Variants in RLBP1 observed in about 807,000 individuals in gnomAD.
The protein encoded by RLBP1 is retinaldehyde binding protein 1.
In RLBP1, 26 loss-of-function variants were observed where a neutral mutation model predicts 36.2. The observed-to-expected ratio is 0.72, with a 90% CI of 0.53 to 1.00. The LOEUF is 1.00. RLBP1 is among the 50% of genes least tolerant of loss of function. RLBP1 has a pLI of 0.00. For synonymous variants in RLBP1, 155 were observed against 156.2 expected (o/e 0.99, Z 0.06); for missense variants, 410 against 402.4 (o/e 1.02, Z -0.16).
chr15:89,212,431 A>G (rs1456599099), intron 6 of RLBP1, among the ~76,000 whole-genome samples: 1 of 151,838 alleles, frequency 6.6e-6, no homozygotes, highest in Non-Finnish European at 1.5e-5. Flanking sequence ...AAAATACAAA[A>G]AAATCAGCTG....
chr15:89,218,919 G>T lies in RLBP1; in HGVS notation c.12+45C>A, dbSNP rs1430850838. Reference sequence around the variant, plus strand: ...GGAGGGAGAGGGAAGAGAGAGAAGAGAGGGAAGGTGGGTGGAGGAGAGCCC... The same window carrying T: ...GGAGGGAGAGGGAAGAGAGAGAAGATAGGGAAGGTGGGTGGAGGAGAGCCC... On this transcript the variant is annotated intron_variant, in intron 3 of 8. Coordinates refer to ENST00000268125, the MANE Select transcript of RLBP1 (RefSeq NM_000326.5). This position sits in a 1 kb window ranked among gnomAD's most constrained non-coding sequence, Gnocchi z 4.6. The T allele has an allele frequency of 1.9e-6, 3 of 1,605,196 alleles. No individual in the cohort carries two copies. The highest frequency in any genetic ancestry group is 2.2e-5 in the South Asian group (2 of 90,432).
At chr15:89,216,917 A>T (rs1244370665) in intron 5 of RLBP1, among the ~76,000 whole-genome samples, 1 of 152,196 alleles carries the variant, frequency 6.6e-6, no homozygotes, top group Non-Finnish European at 1.5e-5. Flanking sequence ...GACCTCCAGA[A>T]ATCTGCTCCT....
At position 89,215,155 on chromosome 15, in the gene RLBP1, A is replaced by G. The variant is rs1430810376; in HGVS notation, c.430T>C (p.Tyr144His). The G allele has an allele frequency of 6.2e-7, 1 of 1,614,124 alleles. No individual in the cohort carries two copies. Among genetic ancestry groups the G allele is most frequent in the Admixed American group, 1.7e-5 (1 of 60,008 alleles). Residue 144 changes from tyrosine to histidine, a missense_variant, in exon 6 of 9, where the codon TAC becomes CAC. Tyr to His is a moderately conservative substitution (Grantham distance 83). Coordinates refer to ENST00000268125, the MANE Select transcript of RLBP1 (RefSeq NM_000326.5). ...EAVRCTIEAG[Y>H]PGVLSSRDKY... ...TCCCGACTAGAGAGGACACCAGGGTAGCCAGCTTCAATGGTGCAGCGGACA... is the reference window on the plus strand; with the variant it reads ...TCCCGACTAGAGAGGACACCAGGGTGGCCAGCTTCAATGGTGCAGCGGACA...
chr15:89,218,788 AG>A lies in RLBP1; in HGVS notation c.13-96del. On this transcript the variant is annotated intron_variant, in intron 3 of 8. Transcript: ENST00000268125. The surrounding 1 kb of genome is among the most constrained non-coding windows in gnomAD (Gnocchi z 4.6). Reference sequence around the variant, plus strand: ...CTCAGACCTTCAGTTCTTTTGCCCAAGGTCATTGTTAAGCCTCCTCCTTTTG... The same window carrying A: ...CTCAGACCTTCAGTTCTTTTGCCCAAGTCATTGTTAAGCCTCCTCCTTTTG... 6.3e-7 allele frequency: 1 copy of A among 1,593,268 alleles called. No homozygotes were observed. Among genetic ancestry groups the A allele is most frequent in the Non-Finnish European group, 8.6e-7 (1 of 1,168,508 alleles).
Position 89,210,854 on chromosome 15 carries a change from C to T in RLBP1, c.685-45G>A, listed in dbSNP as rs765136210. On this transcript the variant is annotated intron_variant, in intron 7 of 8. Transcript: ENST00000268125. The surrounding 1 kb of genome is among the most constrained non-coding windows in gnomAD (Gnocchi z 4.7). The stretch of plus-strand genomic sequence containing the variant: ...CCCCGTTCCCCATGGCCCCAGTGAC[C>T]TCAGAGGCTCCCACTCATTCCCTGC... The T allele has an allele frequency of 1.7e-5, 22 of 1,322,166 alleles. No homozygotes were observed. The South Asian group carries it at 2.8e-4, about 17-fold the overall frequency. The allele number at this position is 1,322,166 out of a possible 1,614,324, so 81.9% of individuals were successfully genotyped here. A position where few individuals can be genotyped will look rare whatever the true frequency, so the allele number is the denominator to read the frequency against.
At position 89,215,133 on chromosome 15, in the gene RLBP1, C is replaced by T. The variant is rs137853290; in HGVS notation, c.452G>A (p.Arg151Gln). The T allele has an allele frequency of 1.8e-5, 29 of 1,614,088 alleles. No individual in the cohort carries two copies. Among genetic ancestry groups the T allele is most frequent in the South Asian group, 7.7e-5 (7 of 91,082 alleles). ...CATGACCACTCGGCCATACTTGTCC[C>T]GACTAGAGAGGACACCAGGGTAGCC... ...EAGYPGVLSS[R>Q]DKYGRVVMLF... The change falls in exon 6 of 9, where the codon CGG becomes CAG. Residue 151 changes from arginine to glutamine, a missense_variant. By Grantham distance (43) the Arg-to-Gln change is conservative. Transcript: ENST00000268125.
Position 89,210,688 on chromosome 15 carries a change from C to T in RLBP1, c.795+11G>A, listed in dbSNP as rs1429434298. ...CTCTTGTCTCATTGTCTGGGCGGCC[C>T]ACGTACTCACCCTCTCAAGCAGCTT... On this transcript the variant is annotated intron_variant, in intron 8 of 8. Coordinates refer to ENST00000268125, the MANE Select transcript of RLBP1 (RefSeq NM_000326.5). The surrounding 1 kb of genome is among the most constrained non-coding windows in gnomAD (Gnocchi z 4.7). 6.4e-7 allele frequency: 1 copy of T among 1,568,906 alleles called. No homozygotes were observed. Among genetic ancestry groups the T allele is most frequent in the East Asian group, 2.3e-5 (1 of 43,426 alleles).
rs2051599596 is a variant in RLBP1 at position 89,218,421 on chromosome 15, G to T, written c.141+144C>A. Reference sequence around the variant, plus strand: ...CTGCCATAGCCGTGACCACCAGGAAGGACCTTAGAACCGGCCAGTCTATCA... The same window carrying T: ...CTGCCATAGCCGTGACCACCAGGAATGACCTTAGAACCGGCCAGTCTATCA... On this transcript the variant is annotated intron_variant, in intron 4 of 8. Transcript: ENST00000268125. This position sits in a 1 kb window ranked among gnomAD's most constrained non-coding sequence, Gnocchi z 4.6. 3.2e-6 allele frequency: 4 copies of T among 1,255,160 alleles called. No homozygotes were observed. In the Admixed American group the frequency reaches 5.5e-5, roughly 17 times the overall value. 77.8% of individuals were successfully genotyped at this position (1,255,160 alleles called of 1,614,324 possible).
At position 89,211,104 on chromosome 15, in the gene RLBP1, C is replaced by A. The variant is rs1001181220; in HGVS notation, c.685-295G>T. Among the ~76,000 whole-genome samples, 5 of 152,160 alleles carry A rather than the reference C, an allele frequency of 3.3e-5. No individual in the cohort carries two copies. The highest frequency in any genetic ancestry group is 1.2e-4 in the African/African-American group (5 of 41,446). On this transcript the variant is annotated intron_variant, in intron 7 of 8. Coordinates refer to ENST00000268125, the MANE Select transcript of RLBP1 (RefSeq NM_000326.5). The surrounding 1 kb of genome is among the most constrained non-coding windows in gnomAD (Gnocchi z 5.8). ...AGAAATGAAAGTAGCCTTGCTTGAC[C>A]TTTTGGTGAGTTTTTTCAAACCCAC... is the stretch of plus-strand genomic sequence containing the variant.
Position 89,211,073 on chromosome 15 carries a change from A to G in RLBP1, c.685-264T>C, listed in dbSNP as rs1160214045. On this transcript the variant is annotated intron_variant, in intron 7 of 8. Coordinates refer to ENST00000268125, the MANE Select transcript of RLBP1 (RefSeq NM_000326.5). This position sits in a 1 kb window ranked among gnomAD's most constrained non-coding sequence, Gnocchi z 5.8. ...GCTGATGCAAATTAAACTGGGAATTAGGAAAAGAAATGAAAGTAGCCTTGC... is the reference window on the plus strand; with the variant it reads ...GCTGATGCAAATTAAACTGGGAATTGGGAAAAGAAATGAAAGTAGCCTTGC... Among the ~76,000 whole-genome samples, 2 of 152,242 alleles carry G rather than the reference A, an allele frequency of 1.3e-5. No individual in the cohort carries two copies. The highest frequency in any genetic ancestry group is 2.9e-5 in the Non-Finnish European group (2 of 68,044).
chr15:89,210,807 A>G lies in RLBP1; in HGVS notation c.687T>C (p.Asp229=), dbSNP rs1474355189. ...DLRKMVDMLQ[D]SFPARFKAIH... The stretch of plus-strand genomic sequence containing the variant: ...TGGCTTTGAACCGGGCTGGGAAGGA[A>G]TCCTGCGGTGACAGAGAGATACCCC... Residue 229 remains aspartate (D), a splice_region_variant and synonymous_variant, in exon 8 of 9, where the codon GAT becomes GAC. Coordinates refer to ENST00000268125, the MANE Select transcript of RLBP1 (RefSeq NM_000326.5). The surrounding 1 kb of genome is among the most constrained non-coding windows in gnomAD (Gnocchi z 4.7). 3 of 1,578,442 alleles carry G rather than the reference A, an allele frequency of 1.9e-6. No homozygotes were observed. Among genetic ancestry groups the G allele is most frequent in the Non-Finnish European group, 2.6e-6 (3 of 1,159,318 alleles).
chr15:89,213,412 T>C (rs185074540), intron 6 of RLBP1, among the ~76,000 whole-genome samples: 158 of 151,676 alleles, frequency 1.0e-3, no homozygotes, highest in African/African-American at 3.7e-3. Context: ...TTTAAAAGAG[T>C]TCAGTAAAAT....
At position 89,212,541 on chromosome 15, in the gene RLBP1, C is replaced by A. The variant is rs78174117; in HGVS notation, c.526-640G>T. On this transcript the variant is annotated intron_variant, in intron 6 of 8. Coordinates refer to ENST00000268125, the MANE Select transcript of RLBP1 (RefSeq NM_000326.5). ...CAGAGGTTGCAGTGAGCCGAGATCA[C>A]GCCACTGCTCTCCAACCTAGGCGAC... 6.2e-3 allele frequency among the ~76,000 whole-genome samples: 922 copies of A among 148,002 alleles called. 10 individuals are homozygous for A. Among genetic ancestry groups the A allele is most frequent in the African/African-American group, 0.022 (884 of 39,778 alleles).
rs2529936 is a variant in RLBP1, at chr15:89,214,196, T to C, written c.525+864A>G. Among the ~76,000 whole-genome samples, 67,981 of 152,054 alleles carry C rather than the reference T, an allele frequency of 0.45. 15,822 individuals are homozygous for C. The highest frequency in any genetic ancestry group is 0.67 in the East Asian group (3,447 of 5,176). ...TTAGTTTGGGCCAGGTGCGGTGTCT[T>C]ATGCCTGTAATCCCAGCACTTTGGG... On this transcript the variant is annotated intron_variant, in intron 6 of 8. Coordinates refer to ENST00000268125, the MANE Select transcript of RLBP1 (RefSeq NM_000326.5). This position sits in a 1 kb window ranked among gnomAD's most constrained non-coding sequence, Gnocchi z 4.6.
rs2051523817 is a variant in RLBP1, at chr15:89,210,119, C to T, written c.*166G>A. On this transcript the variant is annotated 3_prime_UTR_variant, in exon 9 of 9. Coordinates refer to ENST00000268125, the MANE Select transcript of RLBP1 (RefSeq NM_000326.5). This position sits in a 1 kb window ranked among gnomAD's most constrained non-coding sequence, Gnocchi z 4.7. Reference sequence around the variant, plus strand: ...CAAGGGAATTCCCCCTCCTTTATTACCCATCCCCCAACTTGAGAACAGGGT... The same window carrying T: ...CAAGGGAATTCCCCCTCCTTTATTATCCATCCCCCAACTTGAGAACAGGGT... The T allele has an allele frequency of 2.7e-6, 2 of 733,540 alleles. No homozygotes were observed. The highest frequency in any genetic ancestry group is 1.7e-5 in the African/African-American group (1 of 57,868). The allele number at this position is 733,540 out of a possible 1,614,324, so 45.4% of individuals were successfully genotyped here. A position where few individuals can be genotyped will look rare whatever the true frequency, so the allele number is the denominator to read the frequency against.
rs1430555646 is a variant in RLBP1 at position 89,214,823 on chromosome 15, G to C, written c.525+237C>G. ...CACTTGGCAGGGATACCCAGGAAGAGCCATGTATTATTGACCATCAAGCTC... is the reference window on the plus strand; with the variant it reads ...CACTTGGCAGGGATACCCAGGAAGACCCATGTATTATTGACCATCAAGCTC... On this transcript the variant is annotated intron_variant, in intron 6 of 8. Transcript: ENST00000268125. This position sits in a 1 kb window ranked among gnomAD's most constrained non-coding sequence, Gnocchi z 4.6. 6.6e-6 allele frequency among the ~76,000 whole-genome samples: 1 copy of C among 152,230 alleles called. No individual in the cohort carries two copies. Among genetic ancestry groups the C allele is most frequent in the Non-Finnish European group, 1.5e-5 (1 of 68,046 alleles).
chr15:89,210,799 G>T lies in RLBP1; in HGVS notation c.695C>A (p.Pro232Gln), dbSNP rs1224310468. The stretch of plus-strand genomic sequence containing the variant: ...GAAGTGGATGGCTTTGAACCGGGCT[G>T]GGAAGGAATCCTGCGGTGACAGAGA... Reference protein sequence around the residue: ...KMVDMLQDSFPARFKAIHFIH... With the variant: ...KMVDMLQDSFQARFKAIHFIH... Residue 232 changes from proline (P) to glutamine (Q), a missense_variant, in exon 8 of 9, where the codon CCA becomes CAA. Transcript: ENST00000268125. This position sits in a 1 kb window ranked among gnomAD's most constrained non-coding sequence, Gnocchi z 4.7. The T allele has an allele frequency of 6.3e-7, 1 of 1,587,630 alleles. No individual in the cohort carries two copies. Among genetic ancestry groups the T allele is most frequent in the Non-Finnish European group, 8.6e-7 (1 of 1,164,860 alleles).
intron 6 of RLBP1, 39 bp downstream of exon 6, chr15:89,215,021 C>A: frequency 6.2e-7 from 1 of 1,610,050 alleles, no homozygotes; most frequent in Non-Finnish European, 8.5e-7. Flanking sequence ...GGGAGGGAAC[C>A]CAGCCCACAG....
At chr15:89,212,063 G>A (rs1240108709) in intron 6 of RLBP1, among the ~76,000 whole-genome samples, 162 bp from the exon 7 acceptor site, 2 of 152,152 alleles carry the variant, frequency 1.3e-5, no homozygotes, top group African/African-American at 2.4e-5. Context: ...AAGAAAACAA[G>A]TTCAAATGTC....
Sources: gnomAD v4.1 joint callset for allele counts (sites outside exome capture counted in the v4.1 genomes callset) on GRCh38, gnomAD v4.1.1 for gene constraint, Gnocchi (gnomAD v3.1) non-coding constraint, MANE v1.5 for transcripts, NCBI Gene and HGNC (gene_info 2026-07-23, HGNC 2026-07-21) for gene names.